NLRP14: variants seen among roughly 807,000 people sequenced by gnomAD.
NLRP14 encodes NACHT, LRR and PYD domains-containing protein 14.
A neutral mutation model predicts 94.7 loss-of-function variants in NLRP14; 105 were observed. That is an observed-to-expected ratio of 1.11 (90% confidence interval 0.95 to 1.30). NLRP14 has a LOEUF of 1.30. NLRP14 is among the 50% of genes most tolerant of loss of function. The pLI is 0.00. For missense variants in NLRP14, 1,362 were observed against 1,254.1 expected (o/e 1.09, Z -1.30); for synonymous variants, 508 against 459.9 (o/e 1.10, Z -1.34).
At chr11:7,084,800 T>A in the NLRP14 span, among the ~76,000 whole-genome samples, 2 of 152,234 alleles carry the variant, frequency 1.3e-5, no homozygotes, top group African/African-American at 4.8e-5. Flanking sequence ...GTTGTGGGAA[T>A]CCCCAATTTG....
chr11:7,057,979 A>T (rs1051363706), intron 7 of NLRP14, 132 bp downstream of exon 7: 3 of 778,722 alleles, frequency 3.9e-6, no homozygotes, highest in Non-Finnish European at 6.9e-6. Flanking sequence ...TAAGCTCTAC[A>T]TGCATCCCCC....
the NLRP14 span, among the ~76,000 whole-genome samples, chr11:7,087,935 TTCTCAATTTTTATATA>T: frequency 6.6e-6 from 1 of 152,188 alleles, no homozygotes; most frequent in Non-Finnish European, 1.5e-5. Flanking sequence ...TACGTAGCAA[TTCTCAATTTTTATATA>T]TCTCACAATA....
chr11:7,090,335 A>G, the NLRP14 span: 1 of 1,550,008 alleles, frequency 6.5e-7, no homozygotes, highest in African/African-American at 1.4e-5. Flanking sequence ...TCCCTTTTCA[A>G]CGAAACTAAC....
At chr11:7,071,015 C>T (rs1398984516) in intron 11 of NLRP14, among the ~76,000 whole-genome samples, 158 bp from the exon 12 acceptor site, 4 of 152,212 alleles carry the variant, frequency 2.6e-5, no homozygotes, top group Non-Finnish European at 5.9e-5. Context: ...CACTGTATCT[C>T]TCTCAGTTCG....
chr11:7,072,814 T>G (rs1852821704), downstream of NLRP14, among the ~76,000 whole-genome samples: 1 of 152,214 alleles, frequency 6.6e-6, no homozygotes, highest in Non-Finnish European at 1.5e-5. Context: ...TTTCTATCTG[T>G]TGGAGGAGTC....
intron 6 of NLRP14, among the ~76,000 whole-genome samples, chr11:7,055,665 C>G (rs900310400): frequency 6.6e-6 from 1 of 152,048 alleles, no homozygotes; most frequent in Non-Finnish European, 1.5e-5. Flanking sequence ...CAGCGTCTTG[C>G]ATCCGTTAAA....
In NLRP14 at chr11:7,039,791, T is replaced by C. The variant is rs148452195; in HGVS notation, c.361+6T>C. 3 of 1,607,446 alleles carry C rather than the reference T, an allele frequency of 1.9e-6. No homozygotes were observed. Among genetic ancestry groups the C allele is most frequent in the South Asian group, 1.1e-5 (1 of 90,916 alleles). ...AGATCAGGAGGCAGTGCTGGGTGAG[T>C]AGTTAGGCCTTTCATCAGATTTGGG... On this transcript the variant is annotated splice_donor_region_variant and intron_variant, in intron 3 of 11. Transcript: ENST00000299481.
At chr11:7,025,181 G>A (rs1007760760) in intron 1 of NLRP14, among the ~76,000 whole-genome samples, 2 of 152,092 alleles carry the variant, frequency 1.3e-5, no homozygotes, top group Admixed American at 6.6e-5. Flanking sequence ...AAAGAGAAAA[G>A]CTTTTAGGTA....
downstream of NLRP14, among the ~76,000 whole-genome samples, chr11:7,072,561 TG>T (rs1852817017): frequency 6.6e-6 from 1 of 152,238 alleles, no homozygotes; most frequent in Admixed American, 6.5e-5. Flanking sequence ...TCTCCCCTGT[TG>T]ATCCCTCCCT....
At chr11:7,046,573 G>A in intron 4 of NLRP14, 95 bp from the exon 5 acceptor site, 1 of 1,233,038 alleles carries the variant, frequency 8.1e-7, no homozygotes, top group Non-Finnish European at 1.2e-6. Flanking sequence ...CCTTTCCAAA[G>A]TACACTTACT....
At chr11:7,089,344 A>G in the NLRP14 span, 5 of 1,607,620 alleles carry the variant, frequency 3.1e-6, no homozygotes, top group Non-Finnish European at 4.2e-6. Context: ...AAGTCCCTGG[A>G]TGGTAAGGCC....
chr11:7,078,989 G>C, the NLRP14 span, among the ~76,000 whole-genome samples: 1 of 152,122 alleles, frequency 6.6e-6, no homozygotes, highest in African/African-American at 2.4e-5. Context: ...TTCTGCTGCA[G>C]GGAAGTTTCC....
At position 7,071,173 on chromosome 11, in the gene NLRP14, G is replaced by T; in HGVS notation, c.3147G>T (p.Gly1049=). 1 of 1,613,942 alleles carries T rather than the reference G, an allele frequency of 6.2e-7. No homozygotes were observed. Among genetic ancestry groups the T allele is most frequent in the South Asian group, 1.1e-5 (1 of 91,078 alleles). The part of the protein sequence containing the change: ...KSPKCKLQVL[G]LCKEAFDEEA... Reference sequence around the variant, plus strand: ...AAGAGATGTTCCCTTGTTTTCTCAGGTTGTGCAAAGAGGCATTTGATGAGG... The same window carrying T: ...AAGAGATGTTCCCTTGTTTTCTCAGTTTGTGCAAAGAGGCATTTGATGAGG... Residue 1049 remains glycine (G), a splice_region_variant and synonymous_variant, in exon 12 of 12, where the codon GGG becomes GGT. Transcript: ENST00000299481.
chr11:7,041,557 C>CATTGT (rs1398675975), intron 3 of NLRP14, among the ~76,000 whole-genome samples: 1 of 152,102 alleles, frequency 6.6e-6, no homozygotes, highest in Admixed American at 6.5e-5. Flanking sequence ...TCAATTATAT[C>CATTGT]ATTGTATTCT....
At chr11:7,029,380 C>T (rs537264986) in intron 1 of NLRP14, among the ~76,000 whole-genome samples, 5 of 152,138 alleles carry the variant, frequency 3.3e-5, no homozygotes, top group East Asian at 1.9e-4. Context: ...ATCACTTTCA[C>T]GAGGCATTGC....
chr11:7,068,112 A>G (rs1029694126), intron 10 of NLRP14, among the ~76,000 whole-genome samples: 1 of 152,020 alleles, frequency 6.6e-6, no homozygotes, highest in Non-Finnish European at 1.5e-5. Flanking sequence ...AATCATCTAT[A>G]GTGATGTGTT....
chr11:7,058,506 T>A (rs1336397264), intron 8 of NLRP14, 56 bp downstream of exon 8: 2 of 1,250,186 alleles, frequency 1.6e-6, no homozygotes, highest in Non-Finnish European at 2.3e-6. Context: ...GAAATATGTT[T>A]AAAATAGTAA....
rs368320987 is a variant in NLRP14 at position 7,071,352 on chromosome 11, A to C, written c.*44A>C. 1 of 1,508,956 alleles carries C rather than the reference A, an allele frequency of 6.6e-7. No individual in the cohort carries two copies. Among genetic ancestry groups the C allele is most frequent in the Non-Finnish European group, 9.1e-7 (1 of 1,097,124 alleles). 93.5% of individuals were successfully genotyped at this position (1,508,956 alleles called of 1,614,324 possible). A position where few individuals can be genotyped will look rare whatever the true frequency, so the allele number is the denominator to read the frequency against. On this transcript the variant is annotated 3_prime_UTR_variant, in exon 12 of 12. Transcript: ENST00000299481. ...CCTTTAAAAATATAAATATAAATAC[A>C]TACATACATAGATATATACCCAGAC...
intron 1 of NLRP14, among the ~76,000 whole-genome samples, chr11:7,034,102 G>A (rs1041310621): frequency 1.3e-5 from 2 of 152,110 alleles, no homozygotes; most frequent in African/African-American, 4.8e-5. Flanking sequence ...TGGGAGGTGG[G>A]GTGCAGTTGG....
Sources: allele counts gnomAD v4.1 joint callset (sites outside exome capture counted in the v4.1 genomes callset), GRCh38; gene constraint gnomAD v4.1.1; transcripts MANE v1.5; gene names NCBI Gene and HGNC (gene_info 2026-07-23, HGNC 2026-07-21).